Variants in ZNF707 observed in about 807,000 individuals in gnomAD.
ZNF707 encodes zinc finger protein 707.
A neutral mutation model predicts 13.3 loss-of-function variants in ZNF707; 8 were observed. That is an observed-to-expected ratio of 0.60 (90% CI 0.35 to 1.09). The LOEUF (loss-of-function observed/expected upper bound fraction) is 1.09. Among genes scored for constraint, ZNF707 ranks in the 50% least tolerant of loss-of-function variants. ZNF707 has a pLI of 0.02. For synonymous variants in ZNF707, 225 were observed against 205.6 expected, an observed-to-expected ratio of 1.09 and a Z score of -0.81; for missense variants, 530 against 512.6, an observed-to-expected ratio of 1.03 and a Z score of -0.33.
Position 143,691,733 on chromosome 8 carries a change from G to GACCCCGGCCAGGTGAGT in ZNF707, c.256+20_256+21insACCCCGGCCAGGTGAGT. ...GGCCAGGTGAGTGCTGGGCTGTCTG[G>GACCCCGGCCAGGTGAGT]GCTCGGCGGGCCCCGTCCCTGTGGC... is the stretch of plus-strand genomic sequence containing the variant. On this transcript the variant is annotated intron_variant, in intron 5 of 5. Coordinates refer to ENST00000358656, the MANE Select transcript of ZNF707 (RefSeq NM_001100598.2). The GACCCCGGCCAGGTGAGT allele has an allele frequency of 6.4e-7, 1 of 1,552,404 alleles. No homozygotes were observed. Among genetic ancestry groups the GACCCCGGCCAGGTGAGT allele is most frequent in the South Asian group, 1.2e-5 (1 of 84,584 alleles).
At chr8:143,689,755 C>T (rs527674804) in intron 2 of ZNF707, among the ~76,000 whole-genome samples, 1 of 152,182 alleles carries the variant, frequency 6.6e-6, no homozygotes. Context: ...TGGCTTTCAG[C>T]CAGCAATGGC....
In ZNF707 at chr8:143,693,542, G is replaced by A. The variant is rs927537554; in HGVS notation, c.257-129G>A. 226 of 1,039,276 alleles carry A rather than the reference G, an allele frequency of 2.2e-4. No homozygotes were observed. Among genetic ancestry groups the A allele is most frequent in the Non-Finnish European group, 2.9e-4 (219 of 759,100 alleles). The allele number at this position is 1,039,276 out of a possible 1,614,324, so 64.4% of individuals were successfully genotyped here. ...GATCTCCTGACCTCATGATCCACCC[G>A]CCTCGGCCTCCCAAAGTGCTGGGAT... On this transcript the variant is annotated intron_variant, in intron 5 of 5. Coordinates refer to ENST00000358656, the MANE Select transcript of ZNF707 (RefSeq NM_001100598.2). This position sits in a 1 kb window ranked among gnomAD's most constrained non-coding sequence, Gnocchi z 4.1.
In ZNF707 at chr8:143,691,317, G is replaced by A. The variant is rs1012056732; in HGVS notation, c.142+118G>A. On this transcript the variant is annotated intron_variant, in intron 4 of 5. Transcript: ENST00000358656. ...GGGCCTCCCAGCTGAGGGGGCTCAGGAGCTAGAAGTTATTGGCTTATGTAG... is the reference window on the plus strand; with the variant it reads ...GGGCCTCCCAGCTGAGGGGGCTCAGAAGCTAGAAGTTATTGGCTTATGTAG... 4 of 1,447,064 alleles carry A rather than the reference G, an allele frequency of 2.8e-6. No homozygotes were observed. In the Admixed American group the frequency reaches 1.1e-4, roughly 39 times the overall value. 89.6% of individuals were successfully genotyped at this position (1,447,064 alleles called of 1,614,324 possible). A position where few individuals can be genotyped will look rare whatever the true frequency, so the allele number is the denominator to read the frequency against.
At position 143,694,395 on chromosome 8, in the gene ZNF707, G is replaced by A; in HGVS notation, c.981G>A (p.Trp327Ter). 1 of 1,612,266 alleles carries A rather than the reference G, an allele frequency of 6.2e-7. No individual in the cohort carries two copies. The highest frequency in any genetic ancestry group is 8.5e-7 in the Non-Finnish European group (1 of 1,179,534). The change falls in exon 6 of 6, where the codon TGG (tryptophan) becomes TGA (stop). Residue 327 changes from tryptophan to a stop codon, truncating the protein, a stop_gained. Coordinates refer to ENST00000358656, the MANE Select transcript of ZNF707 (RefSeq NM_001100598.2). LOFTEE classifies it low-confidence loss of function (END_TRUNC). The surrounding 1 kb of genome is among the most constrained non-coding windows in gnomAD (Gnocchi z 4.4). ...TCAECGKSFR[W>*]PKGFSIHRRL... is the part of the protein sequence containing the mutation. Reference sequence around the variant, plus strand: ...CCGAGTGCGGCAAGTCCTTCCGGTGGCCCAAGGGCTTCAGCATCCACCGGA... The same window carrying A: ...CCGAGTGCGGCAAGTCCTTCCGGTGACCCAAGGGCTTCAGCATCCACCGGA...
intron 5 of ZNF707, 31 bp downstream of exon 5, chr8:143,691,744 C>T: frequency 6.5e-7 from 1 of 1,533,774 alleles, no homozygotes; most frequent in Non-Finnish European, 8.8e-7. Flanking sequence ...GCTCGGCGGG[C>T]CCCGTCCCTG....
At chr8:143,690,862 C>G in intron 3 of ZNF707, 1 of 649,946 alleles carries the variant, frequency 1.5e-6, no homozygotes, top group Non-Finnish European at 2.6e-6. Flanking sequence ...CAGGGCCCCT[C>G]CCTTCTGACC....
At chr8:143,689,887 C>T (rs1816640940) in intron 2 of ZNF707, among the ~76,000 whole-genome samples, 170 bp from the exon 3 acceptor site, 1 of 152,166 alleles carries the variant, frequency 6.6e-6, no homozygotes, top group Admixed American at 6.5e-5. Context: ...TCACCACTGC[C>T]AAGTTTCCCC....
Position 143,693,685 on chromosome 8 carries a change from G to A in ZNF707, c.271G>A (p.Ala91Thr). ...RGPRPGARKS[A>T]DPKRPCDHPA... ...TCCTTCCACAGGGGCAAGGAAGTCTGCAGACCCCAAGAGACCTTGTGATCA... is the reference window on the plus strand; with the variant it reads ...TCCTTCCACAGGGGCAAGGAAGTCTACAGACCCCAAGAGACCTTGTGATCA... The change falls in exon 6 of 6, where the codon GCA becomes ACA. Residue 91 changes from alanine to threonine, a missense_variant. Ala to Thr is a moderately conservative substitution (Grantham distance 58). Transcript: ENST00000358656. The surrounding 1 kb of genome is among the most constrained non-coding windows in gnomAD (Gnocchi z 4.1). The A allele has an allele frequency of 6.3e-7, 1 of 1,592,166 alleles. No individual in the cohort carries two copies. The highest frequency in any genetic ancestry group is 1.1e-5 in the South Asian group (1 of 87,378).
chr8:143,691,151 C>G lies in ZNF707; in HGVS notation c.94C>G (p.Leu32Val), dbSNP rs782553000. ...GTGTCTGGAACCCAGCCAGAGGGCCCTCTACCGGGACGTGATGCTGGACAA... is the reference window on the plus strand; with the variant it reads ...GTGTCTGGAACCCAGCCAGAGGGCCGTCTACCGGGACGTGATGCTGGACAA... ...WACLEPSQRA[L>V]YRDVMLDNFS... The change falls in exon 4 of 6, where the codon CTC becomes GTC. Residue 32 changes from leucine (L) to valine (V), a missense_variant. Physicochemically the swap from Leu to Val is conservative, Grantham distance 32. Coordinates refer to ENST00000358656, the MANE Select transcript of ZNF707 (RefSeq NM_001100598.2). 1 of 1,613,810 alleles carries G rather than the reference C, an allele frequency of 6.2e-7. No individual in the cohort carries two copies. The highest frequency in any genetic ancestry group is 1.1e-5 in the South Asian group (1 of 91,086).
chr8:143,694,094 C>A lies in ZNF707; in HGVS notation c.680C>A (p.Thr227Lys), dbSNP rs782634200. ...SNLQRHQKNH[T>K]REKPFCCEAC... ...CTGCAGCGCCACCAGAAGAACCACA[C>A]GCGCGAGAAGCCCTTCTGCTGCGAG... is the stretch of plus-strand genomic sequence containing the variant. The change falls in exon 6 of 6, where the codon ACG becomes AAG. Residue 227 changes from threonine (T) to lysine (K), a missense_variant. Physicochemically the swap from Thr to Lys is moderately conservative, Grantham distance 78. Transcript: ENST00000358656. The surrounding 1 kb of genome is among the most constrained non-coding windows in gnomAD (Gnocchi z 4.4). 1.0e-5 allele frequency: 16 copies of A among 1,606,870 alleles called. No homozygotes were observed. Among genetic ancestry groups the A allele is most frequent in the African/African-American group, 1.3e-5 (1 of 74,700 alleles).
intron 4 of ZNF707, 72 bp from the exon 5 acceptor site, chr8:143,691,528 A>G (rs1816808058): frequency 2.0e-6 from 3 of 1,480,018 alleles, no homozygotes; most frequent in Admixed American, 2.1e-5. Context: ...CTGATGCACA[A>G]CTGCTCTGAG....
At chr8:143,684,735 C>T (rs1816097481) in intron 1 of ZNF707, 193 bp downstream of exon 1, 2 of 152,388 alleles carry the variant, frequency 1.3e-5, no homozygotes, top group Admixed American at 6.5e-5. Flanking sequence ...CCTCTTCTCT[C>T]CTCGCTCCTT....
In ZNF707 at chr8:143,694,418, GGAGGCTGCACCTGACGAA is replaced by G; in HGVS notation, c.1009_1026del (p.Leu337_Arg342del). Reference sequence around the variant, plus strand: ...TGGCCCAAGGGCTTCAGCATCCACCGGAGGCTGCACCTGACGAAGAGGTTCTACGAGTGCGGCCACTGT... The same window carrying G: ...TGGCCCAAGGGCTTCAGCATCCACCGGAGGTTCTACGAGTGCGGCCACTGT... On this transcript the variant is annotated inframe_deletion, in exon 6 of 6. Transcript: ENST00000358656. The surrounding 1 kb of genome is among the most constrained non-coding windows in gnomAD (Gnocchi z 4.4). 6.2e-7 allele frequency: 1 copy of G among 1,612,356 alleles called. No individual in the cohort carries two copies. The highest frequency in any genetic ancestry group is 8.5e-7 in the Non-Finnish European group (1 of 1,179,616).
At chr8:143,691,832 C>A in intron 5 of ZNF707, 119 bp downstream of exon 5, 1 of 986,774 alleles carries the variant, frequency 1.0e-6, no homozygotes. Context: ...AGCAGACACA[C>A]AGCTGCTCTC....
rs1482648491 is a variant in ZNF707 at position 143,693,579 on chromosome 8, G to A, written c.257-92G>A. 9.2e-6 allele frequency: 13 copies of A among 1,409,672 alleles called. No individual in the cohort carries two copies. In the African/African-American group the frequency reaches 1.2e-4, roughly 13 times the overall value. The allele number at this position is 1,409,672 out of a possible 1,614,324, so 87.3% of individuals were successfully genotyped here. A position where few individuals can be genotyped will look rare whatever the true frequency, so the allele number is the denominator to read the frequency against. On this transcript the variant is annotated intron_variant, in intron 5 of 5. Coordinates refer to ENST00000358656, the MANE Select transcript of ZNF707 (RefSeq NM_001100598.2). The surrounding 1 kb of genome is among the most constrained non-coding windows in gnomAD (Gnocchi z 4.1). ...CAAAGTGCTGGGATTACAGGCGTGA[G>A]CCACCGCGCCCGGCCTCCTCTGGGC...
At chr8:143,692,280 G>C (rs1458341770) in intron 5 of ZNF707, 1 of 1,289,776 alleles carries the variant, frequency 7.8e-7, no homozygotes, top group Non-Finnish European at 1.0e-6. Context: ...ACGAGCCCTG[G>C]GAGGTCCCCG....
chr8:143,692,006 C>G, intron 5 of ZNF707: 2 of 1,448,908 alleles, frequency 1.4e-6, no homozygotes, highest in Non-Finnish European at 1.8e-6. Flanking sequence ...CCTAGCCACC[C>G]AGGTGCTGTC....
chr8:143,694,067 A>G lies in ZNF707; in HGVS notation c.653A>G (p.Asn218Ser). ...GGCCAGACCTTCCGGTGGGCTTCAA[A>G]CCTGCAGCGCCACCAGAAGAACCAC... ...ECGQTFRWAS[N>S]LQRHQKNHTR... Residue 218 changes from asparagine (N) to serine (S), a missense_variant, in exon 6 of 6, where the codon AAC becomes AGC. By Grantham distance (46) the Asn-to-Ser change is conservative. Transcript: ENST00000358656. This position sits in a 1 kb window ranked among gnomAD's most constrained non-coding sequence, Gnocchi z 4.4. The G allele has an allele frequency of 1.2e-6, 2 of 1,607,308 alleles. No homozygotes were observed. The highest frequency in any genetic ancestry group is 2.2e-5 in the South Asian group (2 of 90,624).
intron 3 of ZNF707, 111 bp downstream of exon 3, chr8:143,690,234 C>G: frequency 1.4e-6 from 2 of 1,408,016 alleles, no homozygotes; most frequent in Non-Finnish European, 1.9e-6. Context: ...GCACTGTGCC[C>G]GTGTCTGCCT....
Sources: gnomAD v4.1 joint callset for allele counts (sites outside exome capture counted in the v4.1 genomes callset) on GRCh38, gnomAD v4.1.1 for gene constraint, Gnocchi (gnomAD v3.1) non-coding constraint, MANE v1.5 for transcripts, NCBI Gene and HGNC (gene_info 2026-07-23, HGNC 2026-07-21) for gene names.